Variants in AJAP1 observed in about 807,000 individuals in gnomAD.
The protein encoded by AJAP1 is adherens junction-associated protein 1.
A neutral mutation model predicts 35.0 loss-of-function variants in AJAP1; 5 were observed. The observed-to-expected ratio is 0.14, with a 90% CI of 0.07 to 0.30. AJAP1 has a LOEUF of 0.30. Ranked by LOEUF, AJAP1 falls within the 10% of genes least tolerant of loss-of-function variation. The probability of loss-of-function intolerance (pLI) is 1.00; values close to 1 mark genes in which losing one functional copy is unlikely to be tolerated. For synonymous variants in AJAP1, 284 were observed against 249.3 expected (o/e 1.14, Z -1.31); for missense variants, 586 against 571.0 (o/e 1.03, Z -0.27).
intron 2 of AJAP1, among the ~76,000 whole-genome samples, chr1:4,749,431 G>A (rs12090274): frequency 6.6e-6 from 1 of 152,214 alleles, no homozygotes; most frequent in Non-Finnish European, 1.5e-5. Flanking sequence ...AGCGAGACAC[G>A]AGACGCTATG....
chr1:4,718,331 C>G (rs903665756), intron 2 of AJAP1, among the ~76,000 whole-genome samples: 6 of 152,160 alleles, frequency 3.9e-5, no homozygotes, highest in African/African-American at 1.4e-4. Context: ...TTGCATTTCC[C>G]TGTCAAATGT....
intron 2 of AJAP1, among the ~76,000 whole-genome samples, chr1:4,717,331 G>T (rs1254696780): frequency 6.6e-6 from 1 of 152,178 alleles, no homozygotes; most frequent in African/African-American, 2.4e-5. Context: ...GCTGGCATCT[G>T]GCCCCAAGAC....
Position 4,787,344 on chromosome 1 carries a change from GGA to G in AJAP1, c.*4865_*4866del, listed in dbSNP as rs1216622470. ...GGCAGAGAAGGAGAGAGGGGAAGAG[GGA>G]GAGAGTGGGGGGCATTGAAGGGGAA... On this transcript the variant is annotated 3_prime_UTR_variant, in exon 6 of 6. Transcript: ENST00000378191. 8 of 231,208 alleles carry G rather than the reference GGA, an allele frequency of 3.5e-5. No individual in the cohort carries two copies. Among genetic ancestry groups the G allele is most frequent in the African/African-American group, 1.6e-4 (7 of 42,714 alleles). The allele number at this position is 231,208 out of a possible 1,614,324, so 14.3% of individuals were successfully genotyped here.
rs1476803105 is a variant in AJAP1, at chr1:4,655,707, C to T, written c.29+253C>T. On this transcript the variant is annotated intron_variant, in intron 1 of 5. Coordinates refer to ENST00000378191, the MANE Select transcript of AJAP1 (RefSeq NM_018836.4). This position sits in a 1 kb window ranked among gnomAD's most constrained non-coding sequence, Gnocchi z 6.9. ...GGGCAGCGGCGCCCGCCCCAGCAAC[C>T]CGGGAAGTGGGGCCGGCCAGGCGCG... Among the ~76,000 whole-genome samples, 3 of 150,948 alleles carry T rather than the reference C, an allele frequency of 2.0e-5. No individual in the cohort carries two copies. The highest frequency in any genetic ancestry group is 4.4e-5 in the Non-Finnish European group (3 of 67,670).
intron 1 of AJAP1, among the ~76,000 whole-genome samples, chr1:4,691,995 T>C (rs974957223): frequency 6.6e-6 from 1 of 150,496 alleles, no homozygotes; most frequent in African/African-American, 2.4e-5. Context: ...GGGGACGGGG[T>C]TGGAGGGAGC....
Position 4,787,150 on chromosome 1 carries a change from C to T in AJAP1, c.*4665C>T, listed in dbSNP as rs998283193. 3 of 153,284 alleles carry T rather than the reference C, an allele frequency of 2.0e-5. No individual in the cohort carries two copies. The highest frequency in any genetic ancestry group is 6.5e-5 in the Admixed American group (1 of 15,376). 9.5% of individuals were successfully genotyped at this position (153,284 alleles called of 1,614,324 possible). A position where few individuals can be genotyped will look rare whatever the true frequency, so the allele number is the denominator to read the frequency against. ...TCTTATTCAACAAATACTTGTTCCA[C>T]TTCTACCACACTGGCCATACAGTTG... On this transcript the variant is annotated 3_prime_UTR_variant, in exon 6 of 6. Transcript: ENST00000378191.
At chr1:4,728,703 A>G (rs1205030433) in intron 2 of AJAP1, among the ~76,000 whole-genome samples, 1 of 152,068 alleles carries the variant, frequency 6.6e-6, no homozygotes, top group Non-Finnish European at 1.5e-5. Flanking sequence ...GCGAAAGGTC[A>G]TTTTGCAACT....
At chr1:4,661,067 C>A (rs577173707) in intron 1 of AJAP1, among the ~76,000 whole-genome samples, 263 of 152,286 alleles carry the variant, frequency 1.7e-3, no homozygotes, top group African/African-American at 6.1e-3. Context: ...CTTGAGAAGG[C>A]AGACACTGGT....
chr1:4,691,613 G>T (rs1039400873), intron 1 of AJAP1, among the ~76,000 whole-genome samples: 13 of 152,182 alleles, frequency 8.5e-5, no homozygotes, highest in African/African-American at 2.9e-4. Context: ...CGGGCTCGGG[G>T]AACACCCGGG....
At chr1:4,664,907 A>ATG (rs976696054) in intron 1 of AJAP1, among the ~76,000 whole-genome samples, 1 of 152,140 alleles carries the variant, frequency 6.6e-6, no homozygotes, top group African/African-American at 2.4e-5. Context: ...CGATATATAT[A>ATG]AAAGATTCAG....
At chr1:4,715,283 C>G (rs1351592009) in intron 2 of AJAP1, among the ~76,000 whole-genome samples, 1 of 152,242 alleles carries the variant, frequency 6.6e-6, no homozygotes, top group African/African-American at 2.4e-5. Context: ...TAGCAGGTGC[C>G]TTGAGGCTGA....
rs1335728939 is a variant in AJAP1, at chr1:4,723,653, G to T, written c.829+10954G>T. Among the ~76,000 whole-genome samples, 1 of 152,184 alleles carries T rather than the reference G, an allele frequency of 6.6e-6. No homozygotes were observed. Among genetic ancestry groups the T allele is most frequent in the Non-Finnish European group, 1.5e-5 (1 of 68,030 alleles). On this transcript the variant is annotated intron_variant, in intron 2 of 5. Transcript: ENST00000378191. This position sits in a 1 kb window ranked among gnomAD's most constrained non-coding sequence, Gnocchi z 4.3. ...TGCGAGGGCGATGGAAGGGAGACGG[G>T]AGGTGAGCCGCAGATGCAGTGGGTG...
At chr1:4,667,356 C>A (rs755843170) in intron 1 of AJAP1, among the ~76,000 whole-genome samples, 1 of 152,170 alleles carries the variant, frequency 6.6e-6, no homozygotes, top group South Asian at 2.1e-4. Flanking sequence ...CAGCCCCAAC[C>A]AGCCACCTGC....
intron 2 of AJAP1, among the ~76,000 whole-genome samples, chr1:4,713,061 G>A (rs1274288687): frequency 1.3e-5 from 2 of 152,086 alleles, no homozygotes; most frequent in Admixed American, 1.3e-4. Context: ...TTGTCTCTGG[G>A]GCCGGCCCTT....
chr1:4,663,995 T>C (rs1256527913), intron 1 of AJAP1, among the ~76,000 whole-genome samples: 1 of 152,212 alleles, frequency 6.6e-6, no homozygotes, highest in Non-Finnish European at 1.5e-5. Flanking sequence ...AACATATCAG[T>C]GAACAGTTGC....
Position 4,692,587 on chromosome 1 carries a change from G to C in AJAP1, c.30-19313G>C, listed in dbSNP as rs1178465235. On this transcript the variant is annotated intron_variant, in intron 1 of 5. Transcript: ENST00000378191. The surrounding 1 kb of genome is among the most constrained non-coding windows in gnomAD (Gnocchi z 4.4). ...TCCGCAGGCCTCCTGACCATGGCGG[G>C]GCCTTCCCTAGTGGACCCCACAAAT... Among the ~76,000 whole-genome samples, 1 of 152,184 alleles carries C rather than the reference G, an allele frequency of 6.6e-6. No individual in the cohort carries two copies. Among genetic ancestry groups the C allele is most frequent in the Non-Finnish European group, 1.5e-5 (1 of 68,026 alleles).
At chr1:4,671,059 G>C (rs1006359360) in intron 1 of AJAP1, among the ~76,000 whole-genome samples, 5 of 152,204 alleles carry the variant, frequency 3.3e-5, no homozygotes, top group African/African-American at 1.2e-4. Context: ...ATAGGCGCAT[G>C]TGTTGGTCTT....
At chr1:4,740,805 A>AAAG (rs1570178889) in intron 2 of AJAP1, among the ~76,000 whole-genome samples, 1 of 133,230 alleles carries the variant, frequency 7.5e-6, no homozygotes, top group African/African-American at 2.7e-5. Flanking sequence ...AAAAAAAAAA[A>AAAG]GCGGGGGGGG....
intron 1 of AJAP1, among the ~76,000 whole-genome samples, chr1:4,677,227 G>A (rs541538323): frequency 6.6e-6 from 1 of 152,250 alleles, no homozygotes; most frequent in Non-Finnish European, 1.5e-5. Context: ...ATGATCAGAG[G>A]TTGGTAAGTC....
Sources: allele counts gnomAD v4.1 joint callset (sites outside exome capture counted in the v4.1 genomes callset), GRCh38; gene constraint gnomAD v4.1.1; non-coding constraint Gnocchi (gnomAD v3.1); transcripts MANE v1.5; gene names NCBI Gene and HGNC (gene_info 2026-07-23, HGNC 2026-07-21).